NIPAL2: variants seen among roughly 807,000 people sequenced by gnomAD.
NIPAL2 encodes NIPA like domain containing 2, also known as NIPA-like protein 2.
Under a neutral mutation model 48.9 loss-of-function variants are expected in NIPAL2, and 43 were observed. The observed-to-expected ratio is 0.88, with a 90% CI of 0.69 to 1.13. The LOEUF (loss-of-function observed/expected upper bound fraction) is 1.13. NIPAL2 is among the 50% of genes most tolerant of loss of function. NIPAL2 has a pLI of 0.00. For missense variants in NIPAL2, 446 were observed against 461.4 expected, an observed-to-expected ratio of 0.97 and a Z score of 0.31; for synonymous variants, 167 against 174.6, an observed-to-expected ratio of 0.96 and a Z score of 0.34.
intron 1 of NIPAL2, among the ~76,000 whole-genome samples, chr8:98,288,142 A>C (rs1044923876): frequency 6.0e-5 from 9 of 149,784 alleles, no homozygotes; most frequent in South Asian, 2.2e-4. Context: ...TGCACCCACT[A>C]ACTCGTCATC....
chr8:98,231,581 G>C (rs1399105976), intron 4 of NIPAL2, among the ~76,000 whole-genome samples: 1 of 152,120 alleles, frequency 6.6e-6, no homozygotes, highest in Non-Finnish European at 1.5e-5. Context: ...GTTTTCAGCC[G>C]ATTGAAGGGG....
Position 98,195,917 on chromosome 8 carries a change from C to CT in NIPAL2, c.944+24dup, listed in dbSNP as rs751420399. 6 of 1,504,414 alleles carry CT rather than the reference C, an allele frequency of 4.0e-6. No homozygotes were observed. The South Asian group carries it at 7.1e-5, about 18-fold the overall frequency. The allele number at this position is 1,504,414 out of a possible 1,614,324, so 93.2% of individuals were successfully genotyped here. ...CGTAAAAGTAATAGAATTTCACATGCTTTACCTCTGAGACATTTACTCACC... is the reference window on the plus strand; with the variant it reads ...CGTAAAAGTAATAGAATTTCACATGCTTTTACCTCTGAGACATTTACTCACC... On this transcript the variant is annotated intron_variant, in intron 9 of 10. Transcript: ENST00000430223.
intron 7 of NIPAL2, among the ~76,000 whole-genome samples, chr8:98,203,941 T>C (rs1306924150): frequency 6.6e-6 from 1 of 151,934 alleles, no homozygotes; most frequent in Non-Finnish European, 1.5e-5. Context: ...CAAGTACATA[T>C]ACGTACAAAA....
chr8:98,268,237 T>C (rs962018846), intron 1 of NIPAL2, among the ~76,000 whole-genome samples: 3 of 152,190 alleles, frequency 2.0e-5, no homozygotes, highest in Non-Finnish European at 2.9e-5. Flanking sequence ...TGAATACTTA[T>C]GATGCATTTT....
chr8:98,198,934 G>A (rs920327879), intron 8 of NIPAL2, among the ~76,000 whole-genome samples: 9 of 150,776 alleles, frequency 6.0e-5, no homozygotes, highest in African/African-American at 2.2e-4. Flanking sequence ...CCTTCAAAAA[G>A]TTTTTTTCTT....
At chr8:98,235,539 T>G (rs149739068) in intron 4 of NIPAL2, among the ~76,000 whole-genome samples, 3 of 152,310 alleles carry the variant, frequency 2.0e-5, no homozygotes, top group Non-Finnish European at 4.4e-5. Flanking sequence ...AATACTTTCG[T>G]GTAACAATAT....
At chr8:98,260,940 GC>G (rs1164291952) in intron 1 of NIPAL2, among the ~76,000 whole-genome samples, 14 of 152,110 alleles carry the variant, frequency 9.2e-5, no homozygotes, top group Admixed American at 1.3e-4. Flanking sequence ...CTGAGAACGG[GC>G]AGACTGCCTC....
Position 98,252,544 on chromosome 8 carries a change from C to T in NIPAL2, c.295G>A (p.Val99Met), listed in dbSNP as rs1310752064. 60 of 1,613,994 alleles carry T rather than the reference C, an allele frequency of 3.7e-5. No homozygotes were observed. Among genetic ancestry groups the T allele is most frequent in the Middle Eastern group, 1.6e-4 (1 of 6,068 alleles). ...GCTGCAAAGTTCCCCGTCTCTCCCA[C>T]GGCCATCAGCAGGACACCACCCCAC... ...LWWGGVLLMAVGETGNFAAYG... is the reference protein window; with the variant it reads ...LWWGGVLLMAMGETGNFAAYG... The change falls in exon 3 of 11, where the codon GTG (valine) becomes ATG (methionine). Residue 99 changes from valine (V) to methionine (M), a missense_variant. Physicochemically the swap from Val to Met is conservative, Grantham distance 21. Transcript: ENST00000430223.
intron 3 of NIPAL2, among the ~76,000 whole-genome samples, chr8:98,246,233 C>T (rs1230860741): frequency 6.6e-6 from 1 of 152,176 alleles, no homozygotes; most frequent in African/African-American, 2.4e-5. Flanking sequence ...TGACCGTCGT[C>T]TAATGGATTA....
chr8:98,287,737 T>C (rs1816259262), intron 1 of NIPAL2, among the ~76,000 whole-genome samples: 2 of 152,276 alleles, frequency 1.3e-5, no homozygotes, highest in South Asian at 4.1e-4. Flanking sequence ...ATTATTTCCA[T>C]TTATATAGAG....
intron 1 of NIPAL2, among the ~76,000 whole-genome samples, chr8:98,278,858 T>C (rs1815633263): frequency 6.6e-6 from 1 of 152,194 alleles, no homozygotes; most frequent in Non-Finnish European, 1.5e-5. Flanking sequence ...AACCGAGGTT[T>C]GAATATACCA....
intron 1 of NIPAL2, among the ~76,000 whole-genome samples, chr8:98,281,362 C>T (rs568914737): frequency 6.6e-6 from 1 of 151,254 alleles, no homozygotes; most frequent in Non-Finnish European, 1.5e-5. Context: ...GGGTAGGGGG[C>T]GGTGAGGTGG....
intron 8 of NIPAL2, among the ~76,000 whole-genome samples, chr8:98,202,701 T>A (rs1483982621): frequency 6.6e-6 from 1 of 152,130 alleles, no homozygotes; most frequent in Non-Finnish European, 1.5e-5. Context: ...ATGAGGCAAA[T>A]AAACCTCTTT....
intron 1 of NIPAL2, among the ~76,000 whole-genome samples, chr8:98,265,166 A>C (rs1158724570): frequency 1.7e-4 from 25 of 146,350 alleles, no homozygotes; most frequent in African/African-American, 5.3e-4. Context: ...TAGACCTAAA[A>C]CCATAAAAAC....
chr8:98,195,280 C>T (rs776503320), intron 9 of NIPAL2, among the ~76,000 whole-genome samples: 3 of 152,128 alleles, frequency 2.0e-5, no homozygotes, highest in Non-Finnish European at 2.9e-5. Context: ...TAGATGGCTT[C>T]CTACACCGAA....
chr8:98,232,533 CTGT>C (rs1188313479), intron 4 of NIPAL2, among the ~76,000 whole-genome samples: 1 of 151,980 alleles, frequency 6.6e-6, no homozygotes, highest in East Asian at 1.9e-4. Context: ...GTGATAGGCC[CTGT>C]TGTTAGAGTT....
At chr8:98,267,163 G>T (rs1814823590) in intron 1 of NIPAL2, among the ~76,000 whole-genome samples, 1 of 152,090 alleles carries the variant, frequency 6.6e-6, no homozygotes, top group Non-Finnish European at 1.5e-5. Flanking sequence ...TAAGATGTAG[G>T]TGATATTTTG....
intron 1 of NIPAL2, among the ~76,000 whole-genome samples, chr8:98,289,667 A>G (rs994951623): frequency 5.9e-5 from 9 of 151,944 alleles, no homozygotes; most frequent in Non-Finnish European, 1.2e-4. Context: ...TGCCTTATAC[A>G]TACATCTCCT....
intron 5 of NIPAL2, among the ~76,000 whole-genome samples, chr8:98,219,388 T>C (rs1340886854): frequency 1.3e-5 from 2 of 151,790 alleles, no homozygotes; most frequent in East Asian, 1.9e-4. Context: ...GAGGAAGTGC[T>C]CAAGAGCCTG....
Sources: allele counts gnomAD v4.1 joint callset (sites outside exome capture counted in the v4.1 genomes callset), GRCh38; gene constraint gnomAD v4.1.1; transcripts MANE v1.5; gene names NCBI Gene and HGNC (gene_info 2026-07-23, HGNC 2026-07-21).